The following PARP8 variants were observed in gnomAD, a reference collection of about 807,000 sequenced individuals.
The protein encoded by PARP8 is poly(ADP-ribose) polymerase family member 8.
Under a neutral mutation model 124.1 loss-of-function variants are expected in PARP8, and 51 were observed. The observed-to-expected ratio is 0.41, with a 90% CI of 0.33 to 0.52. The LOEUF (loss-of-function observed/expected upper bound fraction) is 0.52. PARP8 is among the 20% of genes least tolerant of loss of function. The pLI is 0.21. For missense variants in PARP8, 860 were observed against 1,018.9 expected (o/e 0.84, Z 2.12); for synonymous variants, 391 against 361.5 (o/e 1.08, Z -0.93).
At chr5:50,833,027 A>C (rs1164631038) in intron 23 of PARP8, among the ~76,000 whole-genome samples, 173 bp downstream of exon 23, 1 of 152,176 alleles carries the variant, frequency 6.6e-6, no homozygotes, top group Non-Finnish European at 1.5e-5. Context: ...CTATACAATA[A>C]TTAATCAACA....
rs1223623512 is a variant in PARP8 at position 50,840,496 on chromosome 5, A to T, written c.2463-1470A>T. 2.0e-5 allele frequency among the ~76,000 whole-genome samples: 3 copies of T among 151,900 alleles called. No homozygotes were observed. The East Asian group carries it at 5.8e-4, about 29-fold the overall frequency. ...TTGAGATATGGAGAGCATAAAAAAT[A>T]GCAGTCCTAGGGTCAAAAAATAAGG... On this transcript the variant is annotated intron_variant, in intron 25 of 25. Coordinates refer to ENST00000281631, the MANE Select transcript of PARP8 (RefSeq NM_024615.4).
intron 25 of PARP8, among the ~76,000 whole-genome samples, chr5:50,836,540 A>G (rs1747603717): frequency 2.8e-5 from 2 of 70,620 alleles, no homozygotes; most frequent in South Asian, 6.9e-4. Context: ...GGGAAGCCCC[A>G]TTGGCCAAAG....
At chr5:50,732,484 CTAAT>C (rs1392091565) in intron 2 of PARP8, among the ~76,000 whole-genome samples, 2 of 152,266 alleles carry the variant, frequency 1.3e-5, no homozygotes, top group South Asian at 2.1e-4. Context: ...GCATAAAAAA[CTAAT>C]TAAAGCACTT....
At position 50,797,162 on chromosome 5, in the gene PARP8, A is replaced by G; in HGVS notation, c.1504A>G (p.Ile502Val). 1 of 1,613,392 alleles carries G rather than the reference A, an allele frequency of 6.2e-7. No homozygotes were observed. Among genetic ancestry groups the G allele is most frequent in the Non-Finnish European group, 8.5e-7 (1 of 1,179,550 alleles). ...GACAATTGAGTTTGCTGAACAGCGG[A>G]TCCCTGTATTAAATGAATATTGTGT... ...VQTIEFAEQR[I>V]PVLNEYCVVC... Residue 502 changes from isoleucine (I) to valine (V), a missense_variant, in exon 14 of 26, where the codon ATC becomes GTC. Coordinates refer to ENST00000281631, the MANE Select transcript of PARP8 (RefSeq NM_024615.4).
chr5:50,724,150 T>C (rs1756181017), intron 2 of PARP8, among the ~76,000 whole-genome samples: 1 of 152,082 alleles, frequency 6.6e-6, no homozygotes, highest in African/African-American at 2.4e-5. Flanking sequence ...CTATAAATAT[T>C]CTTCAGGACC....
chr5:50,675,976 A>T (rs1750588826), intron 2 of PARP8, among the ~76,000 whole-genome samples: 2 of 152,254 alleles, frequency 1.3e-5, no homozygotes, highest in African/African-American at 4.8e-5. Flanking sequence ...ATGTGATGGC[A>T]TTTCCCAAAC....
chr5:50,696,386 A>G, intron 2 of PARP8, among the ~76,000 whole-genome samples: 1 of 152,184 alleles, frequency 6.6e-6, no homozygotes, highest in East Asian at 1.9e-4. Context: ...AAGGTACCAT[A>G]GTTTATTGTG....
chr5:50,836,181 G>A (rs1248612800), intron 25 of PARP8, among the ~76,000 whole-genome samples: 2 of 152,220 alleles, frequency 1.3e-5, no homozygotes, highest in East Asian at 3.9e-4. Context: ...GCTGACTATA[G>A]ATTTCTTTCT....
chr5:50,788,403 ACT>A, intron 9 of PARP8, 118 bp from the exon 10 acceptor site: 1 of 780,414 alleles, frequency 1.3e-6, no homozygotes, highest in Non-Finnish European at 2.1e-6. Context: ...CTGCATGTAC[ACT>A]GTTTTTAAAT....
chr5:50,703,899 T>C (rs1269253062), intron 2 of PARP8, among the ~76,000 whole-genome samples: 1 of 152,038 alleles, frequency 6.6e-6, no homozygotes, highest in Admixed American at 6.6e-5. Context: ...ACCCTTTTTT[T>C]TTTTTAAATT....
At chr5:50,771,998 C>A (rs1049095268) in intron 7 of PARP8, among the ~76,000 whole-genome samples, 6 of 152,196 alleles carry the variant, frequency 3.9e-5, no homozygotes, top group African/African-American at 1.2e-4. Flanking sequence ...GTTTCTCCTC[C>A]TCATCATCTT....
In PARP8 at chr5:50,842,882, A is replaced by G. The variant is rs1445128830; in HGVS notation, c.*814A>G. On this transcript the variant is annotated 3_prime_UTR_variant, in exon 26 of 26. Coordinates refer to ENST00000281631, the MANE Select transcript of PARP8 (RefSeq NM_024615.4). ...ATTCAGCCCTTTTAAAATGTTATCT[A>G]AAAGTCATAATTTGGGGAACATACA... The G allele has an allele frequency of 6.6e-6, 1 of 151,764 alleles. No homozygotes were observed. Among genetic ancestry groups the G allele is most frequent in the Non-Finnish European group, 1.5e-5 (1 of 67,786 alleles). 9.4% of individuals were successfully genotyped at this position (151,764 alleles called of 1,614,324 possible). A position where few individuals can be genotyped will look rare whatever the true frequency, so the allele number is the denominator to read the frequency against.
intron 2 of PARP8, among the ~76,000 whole-genome samples, chr5:50,740,167 C>T (rs1411553436): frequency 6.6e-6 from 1 of 152,164 alleles, no homozygotes; most frequent in Non-Finnish European, 1.5e-5. Flanking sequence ...GCCTTCTACT[C>T]TATGGATTTA....
Position 50,667,036 on chromosome 5 carries a change from G to T in PARP8, c.-60G>T. ...CTGAATATTTACGAAAGCTGGAAGC[G>T]TGCGAGGGGGGTGGGGTGGGGTGGA... On this transcript the variant is annotated 5_prime_UTR_variant, in exon 1 of 26. Transcript: ENST00000281631. 2 of 1,594,022 alleles carry T rather than the reference G, an allele frequency of 1.3e-6. No individual in the cohort carries two copies. The highest frequency in any genetic ancestry group is 2.2e-5 in the East Asian group (1 of 44,734).
At chr5:50,678,882 G>A (rs1750949667) in intron 2 of PARP8, among the ~76,000 whole-genome samples, 1 of 152,140 alleles carries the variant, frequency 6.6e-6, no homozygotes. Flanking sequence ...ACTATTCATA[G>A]CATTAGCCCA....
Position 50,843,265 on chromosome 5 carries a change from T to A in PARP8, c.*1197T>A, listed in dbSNP as rs1312407478. 6.6e-6 allele frequency: 1 copy of A among 151,812 alleles called. No individual in the cohort carries two copies. The highest frequency in any genetic ancestry group is 1.5e-5 in the Non-Finnish European group (1 of 67,836). 9.4% of individuals were successfully genotyped at this position (151,812 alleles called of 1,614,324 possible). The stretch of plus-strand genomic sequence containing the variant: ...AAGTTTTAATTGACAGTGTTTATTT[T>A]CCCACATGTTGTCTTTGGAATAAGG... On this transcript the variant is annotated 3_prime_UTR_variant, in exon 26 of 26. Transcript: ENST00000281631.
chr5:50,807,050 A>G (rs1315589793), intron 14 of PARP8, among the ~76,000 whole-genome samples: 1 of 150,602 alleles, frequency 6.6e-6, no homozygotes, highest in Admixed American at 6.6e-5. Flanking sequence ...CATTTGTTAG[A>G]TCTCGCTTTC....
At chr5:50,839,219 A>G (rs1264428165) in intron 25 of PARP8, among the ~76,000 whole-genome samples, 1 of 152,054 alleles carries the variant, frequency 6.6e-6, no homozygotes, top group African/African-American at 2.4e-5. Flanking sequence ...AAATTTTAGT[A>G]ATCTTTTTAC....
At chr5:50,806,064 T>C (rs1312178777) in intron 14 of PARP8, among the ~76,000 whole-genome samples, 3 of 152,086 alleles carry the variant, frequency 2.0e-5, no homozygotes, top group Non-Finnish European at 4.4e-5. Flanking sequence ...AGTAATGTTA[T>C]CAAAAGTAAA....
Sources: gnomAD v4.1 joint callset for allele counts (sites outside exome capture counted in the v4.1 genomes callset) on GRCh38, gnomAD v4.1.1 for gene constraint, MANE v1.5 for transcripts, NCBI Gene and HGNC (gene_info 2026-07-23, HGNC 2026-07-21) for gene names.